Variants in TMPRSS12 observed in about 807,000 individuals in gnomAD.
The protein encoded by TMPRSS12 is transmembrane serine protease 12.
Under a neutral mutation model 26.0 loss-of-function variants are expected in TMPRSS12, and 25 were observed. The observed-to-expected ratio is 0.96, with a 90% confidence interval of 0.70 to 1.34. The LOEUF is 1.34. Among genes scored for constraint, TMPRSS12 ranks in the 40% most tolerant of loss-of-function variants. The pLI, the probability that TMPRSS12 is intolerant of heterozygous loss-of-function variation, is 0.00. For missense variants in TMPRSS12, 441 were observed against 440.1 expected, an observed-to-expected ratio of 1.00 and a Z score of -0.02; for synonymous variants, 150 against 161.7, an observed-to-expected ratio of 0.93 and a Z score of 0.55.
In TMPRSS12 at chr12:50,843,107, G is replaced by C. The variant is rs796634291; in HGVS notation, c.143G>C (p.Arg48Pro). ...AASSQQAEAV[R>P]KRLRRRREGG... Reference sequence around the variant, plus strand: ...AGTTCCCAGCAGGCTGAGGCCGTCCGCAAGAGGCTCCGGCGGCGGAGGGAG... The same window carrying C: ...AGTTCCCAGCAGGCTGAGGCCGTCCCCAAGAGGCTCCGGCGGCGGAGGGAG... The change falls in exon 1 of 5, where the codon CGC (arginine) becomes CCC (proline). Residue 48 changes from arginine to proline, a missense_variant. By Grantham distance (103) the Arg-to-Pro change is moderately radical. Coordinates refer to ENST00000398458, the MANE Select transcript of TMPRSS12 (RefSeq NM_182559.3). The C allele has an allele frequency of 1.5e-5, 24 of 1,579,070 alleles. No homozygotes were observed. Among genetic ancestry groups the C allele is most frequent in the Non-Finnish European group, 1.7e-6 (2 of 1,162,566 alleles).
At chr12:50,879,594 T>C (rs753030435) in intron 3 of TMPRSS12, among the ~76,000 whole-genome samples, 52 of 152,330 alleles carry the variant, frequency 3.4e-4, no homozygotes, top group Non-Finnish European at 5.6e-4. Flanking sequence ...ATATGGTTTA[T>C]TAAGAAGGGT....
chr12:50,846,889 T>C (rs1937773372), intron 2 of TMPRSS12, among the ~76,000 whole-genome samples: 1 of 152,090 alleles, frequency 6.6e-6, no homozygotes, highest in African/African-American at 2.4e-5. Flanking sequence ...GCAGTAAGTT[T>C]TGAAATCAGG....
At chr12:50,869,061 TGACA>T (rs1938018008) in intron 3 of TMPRSS12, among the ~76,000 whole-genome samples, 1 of 149,944 alleles carries the variant, frequency 6.7e-6, no homozygotes, top group Non-Finnish European at 1.5e-5. Context: ...GGACACAAAC[TGACA>T]TTCTAAGGTT....
At chr12:50,885,785 A>G (rs1244648186) in intron 4 of TMPRSS12, 2 of 385,594 alleles carry the variant, frequency 5.2e-6, no homozygotes, top group East Asian at 4.5e-5. Flanking sequence ...CCTCCTAGGT[A>G]GCTGGAATTA....
At position 50,857,788 on chromosome 12, in the gene TMPRSS12, TTTGTTG is replaced by T. The variant is rs10602762; in HGVS notation, c.384-983_384-978del. ...TCTAGATTTTTTTCTGGTTTAGTTT[TTTGTTG>T]TTGTTGTTGTTGTCGTTGTTGTCGT... is the stretch of plus-strand genomic sequence containing the variant. On this transcript the variant is annotated intron_variant, in intron 2 of 4. Coordinates refer to ENST00000398458, the MANE Select transcript of TMPRSS12 (RefSeq NM_182559.3). 2.7e-3 allele frequency among the ~76,000 whole-genome samples: 401 copies of T among 147,650 alleles called. 4 individuals are homozygous for T. Among genetic ancestry groups the T allele is most frequent in the African/African-American group, 8.5e-3 (343 of 40,158 alleles).
chr12:50,843,703 T>A lies in TMPRSS12; in HGVS notation c.188-139T>A, dbSNP rs1937736332. The A allele has an allele frequency of 5.1e-6, 4 of 788,960 alleles. No individual in the cohort carries two copies. The South Asian group carries it at 8.6e-5, about 17-fold the overall frequency. The allele number at this position is 788,960 out of a possible 1,614,324, so 48.9% of individuals were successfully genotyped here. A position where few individuals can be genotyped will look rare whatever the true frequency, so the allele number is the denominator to read the frequency against. The stretch of plus-strand genomic sequence containing the variant: ...TTAACTCTCCAAGTTTCTTTCAAAA[T>A]ATGGGCGTGTCTCCGGTATGTTAGC... On this transcript the variant is annotated intron_variant, in intron 1 of 4. Transcript: ENST00000398458.
chr12:50,870,689 T>G (rs187309219), intron 3 of TMPRSS12, among the ~76,000 whole-genome samples: 1 of 152,212 alleles, frequency 6.6e-6, no homozygotes, highest in East Asian at 1.9e-4. Context: ...ATATGATTAT[T>G]TTCCTTGAAA....
At chr12:50,885,744 C>T (rs1029468635) in intron 4 of TMPRSS12, 23 of 484,440 alleles carry the variant, frequency 4.7e-5, no homozygotes, top group Non-Finnish European at 7.2e-5. Flanking sequence ...CAACCTCTGC[C>T]TCCCAGGTTC....
intron 3 of TMPRSS12, among the ~76,000 whole-genome samples, chr12:50,871,516 C>G (rs1938042052): frequency 6.6e-6 from 1 of 152,106 alleles, no homozygotes; most frequent in Admixed American, 6.6e-5. Context: ...TGGAAAAACC[C>G]TTCTAGATAT....
chr12:50,843,064 T>A lies in TMPRSS12; in HGVS notation c.100T>A (p.Ser34Thr), dbSNP rs1592214821. 3.8e-6 allele frequency: 6 copies of A among 1,595,358 alleles called. No individual in the cohort carries two copies. The East Asian group carries it at 1.4e-4, about 36-fold the overall frequency. ...CTCTGGAAGGCACAGGCTCGGCCCC[T>A]CGCCGGAACCGGCGGCTAGTTCCCA... is the stretch of plus-strand genomic sequence containing the variant. ...SPSGRHRLGP[S>T]PEPAASSQQA... Residue 34 changes from serine to threonine, a missense_variant, in exon 1 of 5, where the codon TCG becomes ACG. Physicochemically the swap from Ser to Thr is moderately conservative, Grantham distance 58 (BLOSUM62 1). Transcript: ENST00000398458.
intron 3 of TMPRSS12, among the ~76,000 whole-genome samples, chr12:50,868,645 A>C (rs1296196215): frequency 6.6e-6 from 1 of 152,202 alleles, no homozygotes; most frequent in Admixed American, 6.5e-5. Context: ...TGGAACAAAT[A>C]GACTTAACAG....
intron 3 of TMPRSS12, among the ~76,000 whole-genome samples, chr12:50,872,568 A>G (rs1405538753): frequency 7.1e-6 from 1 of 141,700 alleles, no homozygotes; most frequent in East Asian, 2.0e-4. Context: ...ATATATATAT[A>G]TGCCATATAT....
At chr12:50,852,373 A>G (rs1218595793) in intron 2 of TMPRSS12, among the ~76,000 whole-genome samples, 1 of 152,218 alleles carries the variant, frequency 6.6e-6, no homozygotes, top group Non-Finnish European at 1.5e-5. Context: ...GGAAAACAAA[A>G]AAGAGCAGGG....
intron 2 of TMPRSS12, among the ~76,000 whole-genome samples, chr12:50,855,625 G>A (rs1190030242): frequency 6.6e-6 from 1 of 152,192 alleles, no homozygotes; most frequent in Non-Finnish European, 1.5e-5. Flanking sequence ...AATTAGTTCA[G>A]TCCCCGTGGA....
chr12:50,880,427 G>A (rs1179285398), intron 3 of TMPRSS12, among the ~76,000 whole-genome samples: 1 of 152,134 alleles, frequency 6.6e-6, no homozygotes, highest in Non-Finnish European at 1.5e-5. Flanking sequence ...AAACCTCAAT[G>A]AGATGCCACT....
At chr12:50,851,770 G>GA (rs1177852699) in intron 2 of TMPRSS12, among the ~76,000 whole-genome samples, 2 of 152,086 alleles carry the variant, frequency 1.3e-5, no homozygotes, top group Non-Finnish European at 2.9e-5. Context: ...TAATGTAAAA[G>GA]AAAAAATATT....
At chr12:50,846,384 T>C (rs1226429731) in intron 2 of TMPRSS12, among the ~76,000 whole-genome samples, 1 of 152,188 alleles carries the variant, frequency 6.6e-6, no homozygotes, top group African/African-American at 2.4e-5. Context: ...CAGCACCATC[T>C]ATTGAAAAGT....
At chr12:50,864,165 T>C (rs997708112) in intron 3 of TMPRSS12, among the ~76,000 whole-genome samples, 12 of 152,196 alleles carry the variant, frequency 7.9e-5, no homozygotes, top group Admixed American at 1.3e-4. Context: ...TAACACTGAG[T>C]AGACTACAAA....
chr12:50,860,635 G>C (rs919961266), intron 3 of TMPRSS12, among the ~76,000 whole-genome samples: 18 of 150,238 alleles, frequency 1.2e-4, no homozygotes, highest in African/African-American at 4.5e-4. Context: ...TAAGAGACAT[G>C]GTCTTGCTGT....
Sources: allele counts gnomAD v4.1 joint callset (sites outside exome capture counted in the v4.1 genomes callset), GRCh38; gene constraint gnomAD v4.1.1; transcripts MANE v1.5; gene names NCBI Gene and HGNC (gene_info 2026-07-23, HGNC 2026-07-21).